PTPRT: variants seen among roughly 807,000 people sequenced by gnomAD.
PTPRT encodes the protein receptor-type tyrosine-protein phosphatase T.
In PTPRT, 56 loss-of-function variants were observed where a neutral mutation model predicts 176.8. The ratio of observed to expected loss-of-function variants is 0.32; its 90% confidence interval spans 0.26 to 0.40. PTPRT has a LOEUF of 0.40. Ranked by LOEUF, PTPRT falls within the 10% of genes least tolerant of loss-of-function variation. The pLI, the probability that PTPRT is intolerant of heterozygous loss-of-function variation, is 1.00. For missense variants in PTPRT, 1,540 were observed against 1,908.2 expected (o/e 0.81, Z 3.60); for synonymous variants, 783 against 739.0 (o/e 1.06, Z -0.96).
chr20:42,535,123 C>G (rs2072453638), intron 7 of PTPRT, among the ~76,000 whole-genome samples: 1 of 152,076 alleles, frequency 6.6e-6, no homozygotes, highest in Non-Finnish European at 1.5e-5. Flanking sequence ...AAAATAAGTA[C>G]TCAACAAAAA....
chr20:42,079,816 C>T lies in PTPRT; in HGVS notation c.*1063G>A, dbSNP rs756301010. 60 of 230,420 alleles carry T rather than the reference C, an allele frequency of 2.6e-4. No homozygotes were observed. Among genetic ancestry groups the T allele is most frequent in the Non-Finnish European group, 4.7e-4 (55 of 116,304 alleles). 14.3% of individuals were successfully genotyped at this position (230,420 alleles called of 1,614,324 possible). A position where few individuals can be genotyped will look rare whatever the true frequency, so the allele number is the denominator to read the frequency against. ...ACCATCTTCAGGCTCACCCATCTCT[C>T]CTTGCTCAGTGGCATGCTGTCCCAG... On this transcript the variant is annotated 3_prime_UTR_variant, in exon 31 of 31. Transcript: ENST00000373187.
intron 9 of PTPRT, among the ~76,000 whole-genome samples, chr20:42,420,636 T>C (rs1202530548): frequency 1.3e-5 from 2 of 152,200 alleles, no homozygotes; most frequent in African/African-American, 2.4e-5. Flanking sequence ...TGGTTACTGA[T>C]GTCTGAGCCA....
intron 9 of PTPRT, among the ~76,000 whole-genome samples, chr20:42,383,731 C>T (rs528172655): frequency 6.6e-6 from 1 of 152,328 alleles, no homozygotes; most frequent in African/African-American, 2.4e-5. Context: ...GCTTACCCTG[C>T]TGTCAGAGCC....
chr20:43,143,916 A>G (rs1258436378), intron 1 of PTPRT, among the ~76,000 whole-genome samples: 1 of 152,158 alleles, frequency 6.6e-6, no homozygotes, highest in Admixed American at 6.5e-5. Context: ...ATAGGGTCAC[A>G]AGGTGCTGCT....
chr20:42,611,809 C>A (rs115067155), intron 7 of PTPRT, among the ~76,000 whole-genome samples: 1 of 152,284 alleles, frequency 6.6e-6, no homozygotes, highest in African/African-American at 2.4e-5. Context: ...CTTCCCCAAC[C>A]CCTCCATCAG....
chr20:43,149,428 C>T (rs2014272307), intron 1 of PTPRT, among the ~76,000 whole-genome samples: 1 of 152,086 alleles, frequency 6.6e-6, no homozygotes, highest in Admixed American at 6.6e-5. Flanking sequence ...TTATAACAGA[C>T]AATGTATAAG....
intron 7 of PTPRT, among the ~76,000 whole-genome samples, chr20:42,577,508 C>G (rs971099357): frequency 6.6e-6 from 1 of 152,152 alleles, no homozygotes; most frequent in African/African-American, 2.4e-5. Context: ...GACCTGGATG[C>G]AACAGAGTAA....
chr20:42,720,681 G>C (rs2076289759), intron 6 of PTPRT, among the ~76,000 whole-genome samples: 1 of 152,114 alleles, frequency 6.6e-6, no homozygotes, highest in Non-Finnish European at 1.5e-5. Flanking sequence ...CATGACTGAA[G>C]TTATACTGGA....
At chr20:42,354,258 C>A (rs967295821) in intron 9 of PTPRT, among the ~76,000 whole-genome samples, 33 of 152,144 alleles carry the variant, frequency 2.2e-4, no homozygotes, top group Admixed American at 1.8e-3. Flanking sequence ...ACAGCATAGA[C>A]GAGTTTTGCC....
At chr20:43,133,921 G>T (rs1170793929) in intron 1 of PTPRT, among the ~76,000 whole-genome samples, 2 of 152,094 alleles carry the variant, frequency 1.3e-5, no homozygotes, top group African/African-American at 4.8e-5. Context: ...CAGGTGATAG[G>T]TGATAATGGT....
chr20:43,050,668 C>T (rs74171221), intron 1 of PTPRT, among the ~76,000 whole-genome samples: 2 of 152,264 alleles, frequency 1.3e-5, no homozygotes, highest in Non-Finnish European at 2.9e-5. Context: ...CTTCACTTCT[C>T]TGAGCCTCAT....
chr20:42,708,406 A>G (rs1017859260), intron 6 of PTPRT, among the ~76,000 whole-genome samples: 8 of 152,230 alleles, frequency 5.3e-5, no homozygotes, highest in Admixed American at 3.3e-4. Context: ...GACATCCTAT[A>G]AAATTCCACT....
intron 2 of PTPRT, among the ~76,000 whole-genome samples, chr20:42,804,414 C>G (rs2077575257): frequency 1.3e-5 from 2 of 152,188 alleles, no homozygotes; most frequent in Admixed American, 1.3e-4. Flanking sequence ...CAAGTGGTCT[C>G]TGCACTCTAG....
chr20:42,951,075 A>G (rs1266001132), intron 1 of PTPRT, among the ~76,000 whole-genome samples: 3 of 152,222 alleles, frequency 2.0e-5, no homozygotes, highest in Non-Finnish European at 4.4e-5. Context: ...GACTGGTTGG[A>G]TGAATAGAAA....
intron 1 of PTPRT, among the ~76,000 whole-genome samples, chr20:43,010,290 T>A (rs1985051453): frequency 6.6e-6 from 1 of 151,908 alleles, no homozygotes; most frequent in Admixed American, 6.6e-5. Flanking sequence ...GTAGAACCGA[T>A]GATCATTGGT....
intron 1 of PTPRT, among the ~76,000 whole-genome samples, chr20:43,045,629 ATTTTT>A (rs3091704): frequency 1.5e-5 from 2 of 132,814 alleles, no homozygotes; most frequent in African/African-American, 5.6e-5. Context: ...TAATTTTTCT[ATTTTT>A]TTTTTTTTTG....
chr20:43,089,687 T>C (rs1029870936), intron 1 of PTPRT, among the ~76,000 whole-genome samples: 2 of 152,118 alleles, frequency 1.3e-5, no homozygotes, highest in African/African-American at 4.8e-5. Flanking sequence ...AGCACCAGCA[T>C]GGGTGGATAC....
chr20:42,403,111 C>T (rs1600964749), intron 9 of PTPRT, among the ~76,000 whole-genome samples: 2 of 152,228 alleles, frequency 1.3e-5, no homozygotes, highest in East Asian at 1.9e-4. Flanking sequence ...GTTACCTCCC[C>T]CCTTTTCTTT....
chr20:42,731,482 C>G (rs1314601158), intron 6 of PTPRT, among the ~76,000 whole-genome samples: 3 of 152,182 alleles, frequency 2.0e-5, no homozygotes, highest in African/African-American at 7.2e-5. Context: ...CCATGTACAG[C>G]CGCTACATAA....
Sources: allele counts gnomAD v4.1 joint callset (sites outside exome capture counted in the v4.1 genomes callset), GRCh38; gene constraint gnomAD v4.1.1; transcripts MANE v1.5; gene names NCBI Gene and HGNC (gene_info 2026-07-23, HGNC 2026-07-21).